Variants in DNAJC10 observed in about 807,000 individuals in gnomAD.
The protein encoded by DNAJC10 is DnaJ heat shock protein family (Hsp40) member C10.
DNAJC10 carries 101 observed loss-of-function variants against 115.0 expected under a neutral mutation model. The ratio of observed to expected loss-of-function variants is 0.88; its 90% CI spans 0.75 to 1.04. DNAJC10 has a LOEUF of 1.04. DNAJC10 is among the 50% of genes least tolerant of loss of function. The pLI is 0.00. For missense variants in DNAJC10, 981 were observed against 928.8 expected, an observed-to-expected ratio of 1.06 and a Z score of -0.73; for synonymous variants, 307 against 301.5, an observed-to-expected ratio of 1.02 and a Z score of -0.19.
chr2:182,738,105 C>T (rs1414859696), intron 11 of DNAJC10, among the ~76,000 whole-genome samples: 1 of 151,642 alleles, frequency 6.6e-6, no homozygotes, highest in African/African-American at 2.4e-5. Flanking sequence ...ATTAATGATC[C>T]CTGGATGGTA....
Position 182,780,127 on chromosome 2 carries a change from T to A in DNAJC10, c.*2995T>A, listed in dbSNP as rs557045246. ...CTACTTTACACATATACTGAAAACT[T>A]ACTTACATATACCCAAATTCTTCTA... On this transcript the variant is annotated 3_prime_UTR_variant, in exon 24 of 24. Coordinates refer to ENST00000264065, the MANE Select transcript of DNAJC10 (RefSeq NM_018981.4). The A allele has an allele frequency of 2.0e-5, 3 of 152,266 alleles. No individual in the cohort carries two copies. In the East Asian group the frequency reaches 5.8e-4, roughly 29 times the overall value. The allele number at this position is 152,266 out of a possible 1,614,324, so 9.4% of individuals were successfully genotyped here. A position where few individuals can be genotyped will look rare whatever the true frequency, so the allele number is the denominator to read the frequency against.
chr2:182,771,734 T>C (rs1245391212), intron 22 of DNAJC10, among the ~76,000 whole-genome samples: 1 of 152,158 alleles, frequency 6.6e-6, no homozygotes, highest in African/African-American at 2.4e-5. Context: ...ATTAGTCTTG[T>C]TAGCAGCCTA....
chr2:182,722,027 A>G lies in DNAJC10; in HGVS notation c.370A>G (p.Ile124Val). 1.3e-6 allele frequency: 2 copies of G among 1,518,044 alleles called. No individual in the cohort carries two copies. Among genetic ancestry groups the G allele is most frequent in the Non-Finnish European group, 1.8e-6 (2 of 1,117,248 alleles). 94.0% of individuals were successfully genotyped at this position (1,518,044 alleles called of 1,614,324 possible). Residue 124 changes from isoleucine to valine, a missense_variant and splice_region_variant, in exon 5 of 24, where the codon ATT becomes GTT. By Grantham distance (29) the Ile-to-Val change is conservative. Coordinates refer to ENST00000264065, the MANE Select transcript of DNAJC10 (RefSeq NM_018981.4). The part of the protein sequence containing the change: ...SWNYYRYDFG[I>V]YDDDPEIITL... Reference sequence around the variant, plus strand: ...TTTTTATATACTTTTAAAATTAGGTATTTATGATGATGATCCTGAAATCAT... The same window carrying G: ...TTTTTATATACTTTTAAAATTAGGTGTTTATGATGATGATCCTGAAATCAT...
In DNAJC10 at chr2:182,728,200, A is replaced by C. The variant is rs111701239; in HGVS notation, c.419-376A>C. Among the ~76,000 whole-genome samples, 5 of 152,020 alleles carry C rather than the reference A, an allele frequency of 3.3e-5. 1 individual carries two copies. Among genetic ancestry groups the C allele is most frequent in the African/African-American group, 1.2e-4 (5 of 41,476 alleles). Reference sequence around the variant, plus strand: ...GTCACTCTTACTATTTGTCTTCTTTATTTCTCTCATGCACACAAACTCTTA... The same window carrying C: ...GTCACTCTTACTATTTGTCTTCTTTCTTTCTCTCATGCACACAAACTCTTA... On this transcript the variant is annotated intron_variant, in intron 5 of 23. Transcript: ENST00000264065.
In DNAJC10 at chr2:182,740,362, G is replaced by T; in HGVS notation, c.1051G>T (p.Glu351Ter). The change falls in exon 12 of 24, where the codon GAA (glutamate) becomes TAA (stop). Residue 351 changes from glutamate (E) to a stop codon, truncating the protein, a stop_gained. Transcript: ENST00000264065. LOFTEE classifies it high-confidence loss of function. ...LEVIHNLPDF[E>*]LLSANTLEDR... ...AGTAATACATAATCTTCCAGATTTT[G>T]AACTACTTTCGGCAAACACACTAGA... The T allele has an allele frequency of 1.9e-6, 3 of 1,570,024 alleles. No homozygotes were observed. In the South Asian group the frequency reaches 3.8e-5, roughly 20 times the overall value.
intron 11 of DNAJC10, chr2:182,739,570 GC>G: frequency 8.2e-7 from 1 of 1,224,898 alleles, no homozygotes; most frequent in Non-Finnish European, 1.0e-6. Flanking sequence ...AATCAGACCA[GC>G]AGAGAGAGAG....
chr2:182,763,441 T>A (rs563493143), intron 22 of DNAJC10, among the ~76,000 whole-genome samples: 2 of 151,872 alleles, frequency 1.3e-5, no homozygotes, highest in East Asian at 3.9e-4. Context: ...TCTAAGAGAG[T>A]CCACCCCAGC....
intron 23 of DNAJC10, among the ~76,000 whole-genome samples, chr2:182,776,498 C>T (rs1393336304): frequency 4.6e-5 from 7 of 152,070 alleles, no homozygotes; most frequent in East Asian, 1.9e-4. Context: ...TGAGGTATCT[C>T]GGATTCTTTC....
Position 182,718,019 on chromosome 2 carries a change from AT to A in DNAJC10, c.-66del. 1 of 1,227,384 alleles carries A rather than the reference AT, an allele frequency of 8.1e-7. No homozygotes were observed. The allele number at this position is 1,227,384 out of a possible 1,614,324, so 76.0% of individuals were successfully genotyped here. ...TAGACAGAAGTTCTCAAATTTGCATATTACATCAACTGGAACCAGCAGTGAA... is the reference window on the plus strand; with the variant it reads ...TAGACAGAAGTTCTCAAATTTGCATATACATCAACTGGAACCAGCAGTGAA... On this transcript the variant is annotated 5_prime_UTR_variant, in exon 3 of 24. Coordinates refer to ENST00000264065, the MANE Select transcript of DNAJC10 (RefSeq NM_018981.4).
intron 11 of DNAJC10, among the ~76,000 whole-genome samples, chr2:182,737,782 G>A (rs1282335685): frequency 2.0e-5 from 3 of 152,074 alleles, no homozygotes; most frequent in African/African-American, 4.8e-5. Flanking sequence ...ATTATTTGAT[G>A]AAAACTCTGT....
At chr2:182,758,957 A>G in intron 20 of DNAJC10, 67 bp downstream of exon 20, 1 of 1,266,810 alleles carries the variant, frequency 7.9e-7, no homozygotes, top group East Asian at 2.3e-5. Flanking sequence ...CTTTTATATC[A>G]ATAGTTAAAT....
chr2:182,746,392 C>T (rs1171696590), intron 14 of DNAJC10, among the ~76,000 whole-genome samples: 2 of 152,100 alleles, frequency 1.3e-5, no homozygotes, highest in African/African-American at 4.8e-5. Flanking sequence ...CTCTCCAGCA[C>T]CTGTTGTTTT....
Position 182,719,250 on chromosome 2 carries a change from C to CTTT in DNAJC10, c.205-736_205-734dup, listed in dbSNP as rs57284693. 7.3e-4 allele frequency among the ~76,000 whole-genome samples: 61 copies of CTTT among 83,682 alleles called. 2 individuals are homozygous for CTTT. The highest frequency in any genetic ancestry group is 1.7e-3 in the Admixed American group (12 of 7,124). The allele number at this position is 83,682 out of a possible 152,430, so 54.9% of individuals were successfully genotyped here. ...TTCCGATCCAATTTTGGATTGTTTT[C>CTTT]TTTTTTTTTTTTTTTTTTTTTTTGA... is the stretch of plus-strand genomic sequence containing the variant. On this transcript the variant is annotated intron_variant, in intron 3 of 23. Transcript: ENST00000264065.
chr2:182,742,112 T>A (rs1205468025), intron 13 of DNAJC10, among the ~76,000 whole-genome samples: 1 of 152,224 alleles, frequency 6.6e-6, no homozygotes, highest in Non-Finnish European at 1.5e-5. Context: ...TAGGAAATCC[T>A]CTCTTACTGA....
chr2:182,752,292 C>A, intron 16 of DNAJC10, 104 bp downstream of exon 16: 1 of 528,692 alleles, frequency 1.9e-6, no homozygotes, highest in Non-Finnish European at 3.1e-6. Context: ...AATACATCTT[C>A]TATTTAGAGT....
At position 182,716,430 on chromosome 2, in the gene DNAJC10, G is replaced by C. The variant is rs1339407768; in HGVS notation, c.-257G>C. The C allele has an allele frequency of 6.6e-6, 1 of 152,526 alleles. No homozygotes were observed. Among genetic ancestry groups the C allele is most frequent in the African/African-American group, 2.4e-5 (1 of 41,462 alleles). The allele number at this position is 152,526 out of a possible 1,614,324, so 9.4% of individuals were successfully genotyped here. A position where few individuals can be genotyped will look rare whatever the true frequency, so the allele number is the denominator to read the frequency against. ...TGGGCTCGGCCAGGCGGGGTCCGCC[G>C]CCAGGGTTTGAGGATGGGGGAGTAG... On this transcript the variant is annotated 5_prime_UTR_variant, in exon 1 of 24. Coordinates refer to ENST00000264065, the MANE Select transcript of DNAJC10 (RefSeq NM_018981.4).
chr2:182,728,500 C>A, intron 5 of DNAJC10, 76 bp from the exon 6 acceptor site: 1 of 1,049,502 alleles, frequency 9.5e-7, no homozygotes, highest in Non-Finnish European at 1.4e-6. Context: ...CTGATCTCCA[C>A]AAAAAGTTTT....
In DNAJC10 at chr2:182,717,016, G is replaced by C. The variant is rs992376212; in HGVS notation, c.-203G>C. ...CTCTACATCATTATATTTTTCAAAG[G>C]TATATTTTTGTGGAATGAAAAGGAA... On this transcript the variant is annotated splice_region_variant and 5_prime_UTR_variant, in exon 2 of 24. Transcript: ENST00000264065. The C allele has an allele frequency of 6.6e-6, 1 of 152,202 alleles. No individual in the cohort carries two copies. The highest frequency in any genetic ancestry group is 1.9e-4 in the East Asian group (1 of 5,200). 9.4% of individuals were successfully genotyped at this position (152,202 alleles called of 1,614,324 possible).
chr2:182,730,202 T>C (rs559338149), intron 8 of DNAJC10, among the ~76,000 whole-genome samples: 1 of 152,276 alleles, frequency 6.6e-6, no homozygotes, highest in East Asian at 1.9e-4. Context: ...TCTCTCAAAG[T>C]GCAAAAAATG....
Sources: gnomAD v4.1 joint callset for allele counts (sites outside exome capture counted in the v4.1 genomes callset) on GRCh38, gnomAD v4.1.1 for gene constraint, MANE v1.5 for transcripts, NCBI Gene and HGNC (gene_info 2026-07-23, HGNC 2026-07-21) for gene names.